Variants in PDE4D observed in about 807,000 individuals in gnomAD.
PDE4D encodes phosphodiesterase 4D.
In PDE4D, 24 loss-of-function variants were observed where a neutral mutation model predicts 87.4. The ratio of observed to expected loss-of-function variants is 0.27; its 90% CI spans 0.20 to 0.39. The LOEUF is 0.39. Among genes scored for constraint, PDE4D ranks in the 10% least tolerant of loss-of-function variants. The pLI, the probability that PDE4D is intolerant of heterozygous loss-of-function variation, is 1.00. For synonymous variants in PDE4D, 384 were observed against 383.2 expected (o/e 1.00, Z -0.02); for missense variants, 714 against 1,041.0 (o/e 0.69, Z 4.32).
chr5:60,345,449 T>TAAA (rs1217884789), intron 1 of PDE4D, among the ~76,000 whole-genome samples: 2 of 146,876 alleles, frequency 1.4e-5, no homozygotes, highest in South Asian at 4.3e-4. Context: ...AGTATAATAA[T>TAAA]AAATAAATAA....
upstream of PDE4D, chr5:59,893,793 G>A (rs1312017095): frequency 1.1e-5 from 14 of 1,332,406 alleles, no homozygotes; most frequent in Non-Finnish European, 1.3e-5. Context: ...TACCGAGAGG[G>A]GGCCCTGCCA....
intron 1 of PDE4D, among the ~76,000 whole-genome samples, chr5:59,600,221 A>G (rs1827297433): frequency 6.6e-6 from 1 of 152,222 alleles, no homozygotes; most frequent in Non-Finnish European, 1.5e-5. Context: ...TGTGAGTTAG[A>G]TAACTGCAGC....
intron 1 of PDE4D, among the ~76,000 whole-genome samples, chr5:59,804,886 G>A (rs960761522): frequency 6.6e-6 from 1 of 152,240 alleles, no homozygotes; most frequent in African/African-American, 2.4e-5. Context: ...CTGCCTCCCA[G>A]GTTCAAGCGA....
chr5:60,143,603 T>TTTTGTGTG (rs1780730543), intron 2 of PDE4D, among the ~76,000 whole-genome samples: 2 of 117,692 alleles, frequency 1.7e-5, no homozygotes, highest in African/African-American at 6.6e-5. Flanking sequence ...AGCTTGGGAA[T>TTTTGTGTG]TGTGTGTGTG....
At chr5:59,761,896 GGACT>G (rs1181721228) in intron 1 of PDE4D, among the ~76,000 whole-genome samples, 1 of 151,776 alleles carries the variant, frequency 6.6e-6, no homozygotes, top group African/African-American at 2.4e-5. Flanking sequence ...TATGTTTATG[GGACT>G]GACAGCATGG....
At chr5:60,343,345 G>T (rs1373848132) in intron 1 of PDE4D, among the ~76,000 whole-genome samples, 1 of 152,114 alleles carries the variant, frequency 6.6e-6, no homozygotes, top group Non-Finnish European at 1.5e-5. Context: ...CCACAGCAGG[G>T]CCCGGAAAAG....
intron 5 of PDE4D, among the ~76,000 whole-genome samples, chr5:59,092,247 G>A (rs1323131147): frequency 4.6e-5 from 7 of 152,132 alleles, no homozygotes; most frequent in African/African-American, 1.2e-4. Context: ...TCTTCCAGAT[G>A]TTTGCTGTTG....
intron 1 of PDE4D, among the ~76,000 whole-genome samples, chr5:59,571,165 A>T (rs140539641): frequency 0.01 from 1,525 of 152,346 alleles, 17 homozygotes; most frequent in African/African-American, 0.035. Context: ...AGAGGTTTTT[A>T]AACACATCAT....
chr5:60,398,842 G>A (rs1208069915), intron 1 of PDE4D, among the ~76,000 whole-genome samples: 1 of 151,982 alleles, frequency 6.6e-6, no homozygotes, highest in Non-Finnish European at 1.5e-5. Flanking sequence ...AGACTCAGAG[G>A]GTGAAGAAAT....
At chr5:59,032,043 A>G (rs1374180493) in intron 6 of PDE4D, among the ~76,000 whole-genome samples, 1 of 152,144 alleles carries the variant, frequency 6.6e-6, no homozygotes, top group African/African-American at 2.4e-5. Flanking sequence ...AGACCCCAGT[A>G]ATTAATAACG....
At chr5:59,712,524 A>G (rs1236253388) in intron 1 of PDE4D, among the ~76,000 whole-genome samples, 2 of 135,244 alleles carry the variant, frequency 1.5e-5, no homozygotes, top group African/African-American at 5.4e-5. Context: ...CACTGAATTT[A>G]CCCAACATTG....
intron 1 of PDE4D, among the ~76,000 whole-genome samples, chr5:59,735,976 A>G (rs1580766948): frequency 6.6e-6 from 1 of 152,038 alleles, no homozygotes; most frequent in Non-Finnish European, 1.5e-5. Context: ...TGGCCAAAAC[A>G]AAACTTCTTT....
chr5:59,123,031 G>GTT lies in PDE4D; in HGVS notation c.808+57562_808+57563dup, dbSNP rs200344327. 1.5e-4 allele frequency among the ~76,000 whole-genome samples: 22 copies of GTT among 143,014 alleles called. No homozygotes were observed. In the East Asian group the frequency reaches 3.2e-3, roughly 21 times the overall value. The allele number at this position is 143,014 out of a possible 152,430, so 93.8% of individuals were successfully genotyped here. On this transcript the variant is annotated intron_variant, in intron 5 of 14. Coordinates refer to ENST00000340635, the MANE Select transcript of PDE4D (RefSeq NM_001104631.2). The stretch of plus-strand genomic sequence containing the variant: ...GCATTCTGCATTCTCTGTTTTTTTT[G>GTT]TTTTTTTTTTTCTTTGGTTTTGGTT...
At chr5:59,857,316 A>G (rs1745586574) in intron 1 of PDE4D, among the ~76,000 whole-genome samples, 1 of 152,164 alleles carries the variant, frequency 6.6e-6, no homozygotes, top group Non-Finnish European at 1.5e-5. Context: ...CTTTCTGATA[A>G]ATCACCTTTA....
intron 1 of PDE4D, among the ~76,000 whole-genome samples, chr5:59,617,202 G>A (rs1300103729): frequency 6.6e-6 from 1 of 151,832 alleles, no homozygotes; most frequent in Non-Finnish European, 1.5e-5. Context: ...TGTGGTGGAG[G>A]AGCTCCATCG....
chr5:59,296,921 C>T (rs1380570303), intron 1 of PDE4D, among the ~76,000 whole-genome samples: 1 of 152,148 alleles, frequency 6.6e-6, no homozygotes, highest in African/African-American at 2.4e-5. Flanking sequence ...TTAACTGAGT[C>T]ATCCTGTGTC....
At chr5:60,128,787 T>G (rs1779334905) in intron 2 of PDE4D, among the ~76,000 whole-genome samples, 1 of 152,204 alleles carries the variant, frequency 6.6e-6, no homozygotes, top group Non-Finnish European at 1.5e-5. Context: ...TCACCTTTTA[T>G]CTCTCATTGA....
At chr5:59,771,454 A>AAAGAAAGAAAGAAAGAAAGAAAGAGAGAG (rs1763455121) in intron 1 of PDE4D, among the ~76,000 whole-genome samples, 7 of 77,702 alleles carry the variant, frequency 9.0e-5, no homozygotes, top group African/African-American at 3.7e-4. Flanking sequence ...AGAAAGAAAG[A>AAAGAAAGAAAGAAAGAAAGAAAGAGAGAG]AAGAAAGAAA....
intron 1 of PDE4D, among the ~76,000 whole-genome samples, chr5:59,246,580 G>C (rs1293598026): frequency 6.6e-6 from 1 of 152,034 alleles, no homozygotes; most frequent in African/African-American, 2.4e-5. Flanking sequence ...TCACCAGATG[G>C]GGACTCTGTT....
Sources: gnomAD v4.1 joint callset for allele counts (sites outside exome capture counted in the v4.1 genomes callset) on GRCh38, gnomAD v4.1.1 for gene constraint, MANE v1.5 for transcripts, NCBI Gene and HGNC (gene_info 2026-07-23, HGNC 2026-07-21) for gene names.